The following MIA2 variants were observed in gnomAD, a reference collection of about 807,000 sequenced individuals.
The protein encoded by MIA2 is MIA SH3 domain ER export factor 2.
A neutral mutation model predicts 167.8 loss-of-function variants in MIA2; 127 were observed. The observed-to-expected ratio is 0.76, with a 90% confidence interval of 0.66 to 0.88. The LOEUF is 0.88. Among genes scored for constraint, MIA2 ranks in the 40% least tolerant of loss-of-function variants. The pLI, the probability that MIA2 is intolerant of heterozygous loss-of-function variation, is 0.00. For missense variants in MIA2, 1,690 were observed against 1,624.7 expected, an observed-to-expected ratio of 1.04 and a Z score of -0.69; for synonymous variants, 552 against 541.9, an observed-to-expected ratio of 1.02 and a Z score of -0.26.
chr14:39,315,612 G>C, intron 20 of MIA2, 71 bp from the exon 21 acceptor site: 1 of 1,147,046 alleles, frequency 8.7e-7, no homozygotes, highest in Non-Finnish European at 1.3e-6. Context: ...CTACATCATA[G>C]TGGTAGATGT....
intron 14 of MIA2, among the ~76,000 whole-genome samples, chr14:39,301,355 G>T (rs907944734): frequency 2.6e-5 from 4 of 151,690 alleles, no homozygotes; most frequent in Non-Finnish European, 5.9e-5. Context: ...GTGAGCCACC[G>T]CATCTGGCTG....
At chr14:39,238,862 C>T in intron 2 of MIA2, among the ~76,000 whole-genome samples, 1 of 146,902 alleles carries the variant, frequency 6.8e-6, no homozygotes, top group African/African-American at 2.5e-5. Flanking sequence ...TGGCCCGAAG[C>T]TTTAGTATGC....
rs1259777924 is a variant in MIA2, at chr14:39,298,544, T to TTTTTTTTG, written c.2497-1313_2497-1312insGTTTTTTT. ...GGTAGAACAGAGTTTTTTTTTTTTT[T>TTTTTTTTG]TTTTTTTTTTGTGAGCAACATGGCT... is the stretch of plus-strand genomic sequence containing the variant. On this transcript the variant is annotated intron_variant, in intron 13 of 28. Transcript: ENST00000640607. 1.4e-5 allele frequency among the ~76,000 whole-genome samples: 2 copies of TTTTTTTTG among 138,406 alleles called. 1 individual carries two copies. The highest frequency in any genetic ancestry group is 1.5e-4 in the Admixed American group (2 of 13,706). The allele number at this position is 138,406 out of a possible 152,430, so 90.8% of individuals were successfully genotyped here.
intron 19 of MIA2, 91 bp from the exon 20 acceptor site, chr14:39,314,647 TG>T: frequency 1.8e-6 from 1 of 550,708 alleles, no homozygotes; most frequent in Non-Finnish European, 2.8e-6. Flanking sequence ...TAGAGCATTC[TG>T]GGTTTTCTAA....
exon 24 of MIA2, chr14:39,387,265 T>C: frequency 3.3e-6 from 1 of 298,864 alleles, no homozygotes; most frequent in Non-Finnish European, 6.0e-6. Flanking sequence ...TTCAGAGTAT[T>C]TGTGATTCAT....
intron 10 of MIA2, among the ~76,000 whole-genome samples, chr14:39,292,049 T>C (rs146916179): frequency 6.6e-6 from 1 of 152,190 alleles, no homozygotes; most frequent in African/African-American, 2.4e-5. Flanking sequence ...TCTAGTAGAG[T>C]CCAAAGGAAG....
chr14:39,386,938 G>C, exon 24 of MIA2: 2 of 773,362 alleles, frequency 2.6e-6, no homozygotes, highest in Non-Finnish European at 4.5e-6. Flanking sequence ...GGGCCTAGGA[G>C]GGCCCCAGAA....
At chr14:39,271,551 T>G (rs2057146340) in intron 6 of MIA2, among the ~76,000 whole-genome samples, 2 of 152,142 alleles carry the variant, frequency 1.3e-5, no homozygotes, top group South Asian at 4.1e-4. Context: ...GTTTGTCCAT[T>G]TCTGCAAAAA....
At chr14:39,291,624 T>C (rs2060750408) in intron 10 of MIA2, among the ~76,000 whole-genome samples, 1 of 152,176 alleles carries the variant, frequency 6.6e-6, no homozygotes, top group Non-Finnish European at 1.5e-5. Flanking sequence ...AAAAGCAGCC[T>C]TATTTGTAGC....
chr14:39,285,455 C>A (rs1422393102), intron 9 of MIA2, among the ~76,000 whole-genome samples: 1 of 119,374 alleles, frequency 8.4e-6, no homozygotes, highest in African/African-American at 3.3e-5. Context: ...CCGGACGGGG[C>A]GGCTGGCCGG....
Position 39,265,640 on chromosome 14 carries a change from T to G in MIA2, c.1888-11294T>G, listed in dbSNP as rs2055491216. 9 of 410,342 alleles carry G rather than the reference T, an allele frequency of 2.2e-5. No homozygotes were observed. In the South Asian group the frequency reaches 4.4e-4, roughly 20 times the overall value. The allele number at this position is 410,342 out of a possible 1,614,324, so 25.4% of individuals were successfully genotyped here. A position where few individuals can be genotyped will look rare whatever the true frequency, so the allele number is the denominator to read the frequency against. ...TTAGGGAGGGCAAAGGGAGGTTTTT[T>G]TTTTGTTTTTGTTTTTTGAAAGTTC... On this transcript the variant is annotated intron_variant, in intron 6 of 28. Transcript: ENST00000640607.
chr14:39,312,126 C>G (rs578026563), intron 18 of MIA2, among the ~76,000 whole-genome samples: 3 of 152,326 alleles, frequency 2.0e-5, no homozygotes, highest in Admixed American at 2.0e-4. Context: ...CTGCACCCGA[C>G]CAAGATATGA....
intron 25 of MIA2, 26 bp from the exon 26 acceptor site, chr14:39,345,875 TGAA>T: frequency 6.3e-7 from 1 of 1,583,614 alleles, no homozygotes; most frequent in Non-Finnish European, 8.6e-7. Context: ...TTTACATTAA[TGAA>T]GACATTTTAA....
intron 6 of MIA2, chr14:39,276,167 C>T (rs2057971724): frequency 6.6e-6 from 1 of 152,038 alleles, no homozygotes; most frequent in African/African-American, 2.4e-5. Context: ...AGAATAACCC[C>T]ATTAGGTAAG....
At position 39,286,696 on chromosome 14, in the gene MIA2, C is replaced by CTTTTTTT. The variant is rs35159773; in HGVS notation, c.2131-4314_2131-4308dup. Among the ~76,000 whole-genome samples the CTTTTTTT allele has an allele frequency of 2.1e-5, 3 of 142,690 alleles. 1 individual carries two copies. Among genetic ancestry groups the CTTTTTTT allele is most frequent in the Non-Finnish European group, 4.5e-5 (3 of 66,014 alleles). The allele number at this position is 142,690 out of a possible 152,430, so 93.6% of individuals were successfully genotyped here. ...TTATCCTTCTCTTCCTTCCTTCTTA[C>CTTTTTTT]TTTTTTTTTTTTTTTGAGACAGGCT... On this transcript the variant is annotated intron_variant, in intron 9 of 28. Coordinates refer to ENST00000640607, the MANE Select transcript of MIA2 (RefSeq NM_001329214.4).
At chr14:39,304,415 T>C (rs1011292218) in intron 17 of MIA2, 34 bp downstream of exon 17, 1 of 1,142,302 alleles carries the variant, frequency 8.8e-7, no homozygotes, top group Non-Finnish European at 1.3e-6. Context: ...TTAATGTTTT[T>C]CTAAGTAAGT....
Position 39,247,015 on chromosome 14 carries a change from TA to T in MIA2, c.444del (p.Asp149MetfsTer13). 1 of 1,591,158 alleles carries T rather than the reference TA, an allele frequency of 6.3e-7. No individual in the cohort carries two copies. Among genetic ancestry groups the T allele is most frequent in the Non-Finnish European group, 8.5e-7 (1 of 1,172,166 alleles). ...AAAATATATATCCTTATGAAGAAGA[TA>T]AAGATGAAAAATCTAGTATATATGA... ...GENIYPYEED[K>X]DEKSSIYESD... On this transcript the variant is annotated frameshift_variant, in exon 4 of 29. Coordinates refer to ENST00000640607, the MANE Select transcript of MIA2 (RefSeq NM_001329214.4). LOFTEE classifies it high-confidence loss of function.
intron 23 of MIA2, among the ~76,000 whole-genome samples, chr14:39,382,162 C>G (rs1000606899): frequency 6.6e-6 from 1 of 152,100 alleles, no homozygotes; most frequent in Non-Finnish European, 1.5e-5. Context: ...TTGTTGGAAG[C>G]GAGTAAAACT....
intron 9 of MIA2, among the ~76,000 whole-genome samples, chr14:39,284,732 ATTG>A (rs1429674086): frequency 6.7e-6 from 1 of 149,904 alleles, no homozygotes; most frequent in Non-Finnish European, 1.5e-5. Flanking sequence ...TGTAAATAGG[ATTG>A]TTTTCTTTTT....
Sources: allele counts gnomAD v4.1 joint callset (sites outside exome capture counted in the v4.1 genomes callset), GRCh38; gene constraint gnomAD v4.1.1; transcripts MANE v1.5; gene names NCBI Gene and HGNC (gene_info 2026-07-23, HGNC 2026-07-21).